DNMT1: variants seen among roughly 807,000 people sequenced by gnomAD.
DNMT1 encodes DNA methyltransferase 1, also known as DNA (cytosine-5)-methyltransferase 1.
A neutral mutation model predicts 205.3 loss-of-function variants in DNMT1; 24 were observed. The ratio of observed to expected loss-of-function variants is 0.12; its 90% CI spans 0.08 to 0.16. The LOEUF is 0.16. DNMT1 is among the 10% of genes least tolerant of loss of function. The pLI is 1.00. For synonymous variants in DNMT1, 817 were observed against 839.8 expected, an observed-to-expected ratio of 0.97 and a Z score of 0.47; for missense variants, 1,293 against 2,177.7, an observed-to-expected ratio of 0.59 and a Z score of 8.09.
chr19:10,160,514 T>C, intron 13 of DNMT1, 96 bp from the exon 14 acceptor site: 2 of 1,382,892 alleles, frequency 1.4e-6, no homozygotes, highest in South Asian at 2.4e-5. Flanking sequence ...GTGATTATCA[T>C]AAAACAGAGA....
chr19:10,160,313 T>TC (rs1484969207), intron 14 of DNMT1, 71 bp downstream of exon 14: 9 of 1,605,536 alleles, frequency 5.6e-6, no homozygotes, highest in Non-Finnish European at 7.7e-6. Flanking sequence ...TGAAACCCCT[T>TC]CCCTTTTGTT....
chr19:10,173,814 G>T, intron 8 of DNMT1, 57 bp downstream of exon 8: 1 of 1,599,064 alleles, frequency 6.3e-7, no homozygotes, highest in South Asian at 1.1e-5. Context: ...AAAAAGTTTT[G>T]TGATCAAGAT....
rs1183301696 is a variant in DNMT1 at position 10,134,203 on chromosome 19, C to T, written c.4864+14G>A. The T allele has an allele frequency of 6.2e-7, 1 of 1,614,010 alleles. No individual in the cohort carries two copies. Among genetic ancestry groups the T allele is most frequent in the Non-Finnish European group, 8.5e-7 (1 of 1,179,994 alleles). On this transcript the variant is annotated intron_variant, in intron 40 of 40. Transcript: ENST00000359526. The stretch of plus-strand genomic sequence containing the variant: ...AGTCAGGCCCCAGAGGAAGCCTGGC[C>T]CACCCCACCATACCTGAGGCACTCT...
intron 1 of DNMT1, among the ~76,000 whole-genome samples, chr19:10,191,830 TA>T (rs927766392): frequency 1.5e-4 from 23 of 148,460 alleles, no homozygotes; most frequent in Admixed American, 4.7e-4. Flanking sequence ...CCCTCATCTC[TA>T]AAAAAAAAAA....
chr19:10,179,926 G>T (rs554963086), intron 5 of DNMT1: 1 of 181,258 alleles, frequency 5.5e-6, no homozygotes, highest in Non-Finnish European at 1.2e-5. Flanking sequence ...GGAGGCGGAG[G>T]TTGCAGTGAG....
At position 10,154,911 on chromosome 19, in the gene DNMT1, C is replaced by A; in HGVS notation, c.1638G>T (p.Lys546Asn). The stretch of plus-strand genomic sequence containing the variant: ...AGGACCCTCGATCTCTTACCTCGAT[C>A]TTGTTGATCAGGTCCTCATAGGTCG... ...SDSTYEDLIN[K>N]IETTVPPSGL... Residue 546 changes from lysine to asparagine, a missense_variant, in exon 20 of 41, where the codon AAG (lysine) becomes AAT (asparagine). By Grantham distance (94) the Lys-to-Asn change is moderately conservative. This residue lies in a region of DNMT1 where 120 missense variants were observed against 315.9 expected (regional missense o/e 0.38). Coordinates refer to ENST00000359526, the MANE Select transcript of DNMT1 (RefSeq NM_001130823.3). The surrounding 1 kb of genome is among the most constrained non-coding windows in gnomAD (Gnocchi z 6.3). 6.2e-7 allele frequency: 1 copy of A among 1,614,234 alleles called. No individual in the cohort carries two copies. The highest frequency in any genetic ancestry group is 2.2e-5 in the East Asian group (1 of 44,892).
intron 1 of DNMT1, among the ~76,000 whole-genome samples, chr19:10,191,992 T>G (rs1440385526): frequency 6.6e-6 from 1 of 152,074 alleles, no homozygotes; most frequent in Non-Finnish European, 1.5e-5. Context: ...TGGCTAATTT[T>G]TTTGTATTTT....
In DNMT1 at chr19:10,138,065, C is replaced by T; in HGVS notation, c.4116-56G>A. On this transcript the variant is annotated intron_variant, in intron 35 of 40. Coordinates refer to ENST00000359526, the MANE Select transcript of DNMT1 (RefSeq NM_001130823.3). This position sits in a 1 kb window ranked among gnomAD's most constrained non-coding sequence, Gnocchi z 4.1. ...GAGATGCACGCAGCAGCTGTCCCCT[C>T]ATCACAGGTGCCACCCCCTGCCTGC... The T allele has an allele frequency of 6.4e-7, 1 of 1,562,848 alleles. No homozygotes were observed.
chr19:10,174,373 G>A (rs2038890038), intron 7 of DNMT1, among the ~76,000 whole-genome samples: 1 of 151,970 alleles, frequency 6.6e-6, no homozygotes, highest in Non-Finnish European at 1.5e-5. Flanking sequence ...CCATGACTGC[G>A]CCACTGCACC....
chr19:10,184,786 G>A (rs540299692), intron 1 of DNMT1, among the ~76,000 whole-genome samples: 1 of 152,350 alleles, frequency 6.6e-6, no homozygotes, highest in South Asian at 2.1e-4. Flanking sequence ...GTCTGTTGGT[G>A]GAGAGAAGGT....
chr19:10,173,831 A>C, intron 8 of DNMT1, 40 bp downstream of exon 8: 1 of 1,610,732 alleles, frequency 6.2e-7, no homozygotes, highest in Non-Finnish European at 8.5e-7. Flanking sequence ...AGATTACACA[A>C]CTCGTAGAAC....
intron 5 of DNMT1, 193 bp downstream of exon 5, chr19:10,179,990 TAAAA>T (rs76071650): frequency 1.8e-4 from 32 of 182,754 alleles, no homozygotes; most frequent in East Asian, 2.9e-4. Context: ...ACTCTGTCAT[TAAAA>T]AAAAAAAAAA....
At chr19:10,163,022 T>C in intron 12 of DNMT1, 1 of 540,416 alleles carries the variant, frequency 1.9e-6, no homozygotes. Context: ...TGGAGTGCAG[T>C]GGCGCAATCT....
At chr19:10,182,393 G>GTA (rs1395436404) in intron 1 of DNMT1, among the ~76,000 whole-genome samples, 2 of 82,454 alleles carry the variant, frequency 2.4e-5, no homozygotes, top group Admixed American at 2.5e-4. Context: ...ACATATATAT[G>GTA]TGTATATATA....
intron 29 of DNMT1, chr19:10,142,739 A>C (rs1008161496): frequency 1.2e-5 from 2 of 164,668 alleles, no homozygotes; most frequent in Admixed American, 1.1e-4. Context: ...CCGCAGGTAA[A>C]GATAACCCCT....
chr19:10,152,509 C>T (rs2038368590), intron 22 of DNMT1, among the ~76,000 whole-genome samples: 1 of 151,908 alleles, frequency 6.6e-6, no homozygotes, highest in Non-Finnish European at 1.5e-5. Flanking sequence ...CCTGCAGTCC[C>T]GGCAACTCAG....
chr19:10,166,527 G>A (rs947601488), intron 11 of DNMT1, 71 bp downstream of exon 11: 23 of 1,585,146 alleles, frequency 1.5e-5, no homozygotes, highest in Non-Finnish European at 1.9e-5. Context: ...GCCCCACCCT[G>A]CGCACTCCCG....
chr19:10,135,212 CAAA>C (rs34374135), intron 39 of DNMT1, among the ~76,000 whole-genome samples: 9 of 108,498 alleles, frequency 8.3e-5, no homozygotes, highest in Admixed American at 2.0e-4. Flanking sequence ...AGCTCCATCT[CAAA>C]AAAAAAAAAA....
intron 24 of DNMT1, among the ~76,000 whole-genome samples, chr19:10,150,871 T>C (rs1252115903): frequency 6.6e-6 from 1 of 152,024 alleles, no homozygotes; most frequent in Non-Finnish European, 1.5e-5. Context: ...GGTGGGTGGA[T>C]CACTTGAGGC....
Sources: gnomAD v4.1 joint callset for allele counts (sites outside exome capture counted in the v4.1 genomes callset) on GRCh38, gnomAD v4.1.1 for gene constraint, gnomAD v4.1.1 regional missense constraint, Gnocchi (gnomAD v3.1) non-coding constraint, MANE v1.5 for transcripts, NCBI Gene and HGNC (gene_info 2026-07-23, HGNC 2026-07-21) for gene names.